AKAP19: variants seen among roughly 807,000 people sequenced by gnomAD.
AKAP19 encodes A-kinase anchoring protein 19.
the AKAP19 span, among the ~76,000 whole-genome samples, chr2:190,099,629 A>T: frequency 6.6e-6 from 1 of 152,252 alleles, no homozygotes; most frequent in African/African-American, 2.4e-5. Flanking sequence ...AATGGTGCCA[A>T]TAGACTTGTT....
At chr2:190,014,808 C>T in the AKAP19 span, among the ~76,000 whole-genome samples, 19 of 152,126 alleles carry the variant, frequency 1.2e-4, no homozygotes, top group South Asian at 8.3e-4. Flanking sequence ...ATTCCAAATG[C>T]GAGAAATTGG....
At chr2:190,161,919 G>T in the AKAP19 span, among the ~76,000 whole-genome samples, 54 of 152,212 alleles carry the variant, frequency 3.5e-4, 1 homozygote, top group Admixed American at 3.1e-3. Flanking sequence ...AAAGAACATG[G>T]CTTCAGATCA....
At chr2:190,135,067 C>T in the AKAP19 span, among the ~76,000 whole-genome samples, 1 of 152,116 alleles carries the variant, frequency 6.6e-6, no homozygotes, top group Non-Finnish European at 1.5e-5. Flanking sequence ...TAATCAAAAA[C>T]ATTTTAAACA....
the AKAP19 span, among the ~76,000 whole-genome samples, chr2:189,986,627 G>A: frequency 2.0e-5 from 3 of 152,126 alleles, no homozygotes; most frequent in Non-Finnish European, 4.4e-5. Context: ...TTTCCAGCCT[G>A]TAAGGCTCAA....
At chr2:190,200,027 C>T in the AKAP19 span, 420,201 of 1,613,724 alleles carry the variant, frequency 0.26, 58,824 homozygotes, top group East Asian at 0.49. Flanking sequence ...GGGACCAATA[C>T]TGTGATCTTG....
At chr2:189,974,754 T>C in the AKAP19 span, among the ~76,000 whole-genome samples, 1 of 152,214 alleles carries the variant, frequency 6.6e-6, no homozygotes, top group Non-Finnish European at 1.5e-5. Context: ...TTGTCTCTTT[T>C]GATCTTTGTT....
the AKAP19 span, among the ~76,000 whole-genome samples, chr2:190,133,224 C>A: frequency 2.0e-5 from 2 of 99,490 alleles, no homozygotes; most frequent in African/African-American, 4.0e-5. Context: ...GGAGACAGAG[C>A]GAGACTCTGC....
the AKAP19 span, among the ~76,000 whole-genome samples, chr2:190,001,809 G>C: frequency 2.0e-5 from 3 of 152,038 alleles, no homozygotes; most frequent in East Asian, 5.8e-4. Flanking sequence ...ACATTTTCAG[G>C]AGTGTGAATA....
the AKAP19 span, among the ~76,000 whole-genome samples, chr2:189,941,823 A>G: frequency 6.6e-6 from 1 of 152,236 alleles, no homozygotes; most frequent in African/African-American, 2.4e-5. Flanking sequence ...TATCAATAAT[A>G]GCACTGAATA....
chr2:190,043,159 G>A, the AKAP19 span, among the ~76,000 whole-genome samples: 5 of 152,090 alleles, frequency 3.3e-5, no homozygotes, highest in Non-Finnish European at 7.4e-5. Flanking sequence ...AAAATCTGAT[G>A]ATTATGTGTC....
the AKAP19 span, among the ~76,000 whole-genome samples, chr2:189,987,840 C>T: frequency 8.5e-5 from 13 of 152,266 alleles, no homozygotes; most frequent in East Asian, 3.9e-4. Flanking sequence ...TCACCTTGCC[C>T]GCTGCCTAGA....
the AKAP19 span, among the ~76,000 whole-genome samples, chr2:190,073,005 T>C: frequency 7.9e-5 from 12 of 152,036 alleles, no homozygotes; most frequent in African/African-American, 2.9e-4. Flanking sequence ...AAACCATAAA[T>C]TGAGTCAGAA....
At chr2:189,902,013 G>A in the AKAP19 span, among the ~76,000 whole-genome samples, 5 of 152,024 alleles carry the variant, frequency 3.3e-5, no homozygotes, top group African/African-American at 1.2e-4. Flanking sequence ...CTCAGTAAAT[G>A]AGAGTTATTA....
the AKAP19 span, among the ~76,000 whole-genome samples, chr2:190,060,633 G>T: frequency 5.7e-4 from 86 of 152,088 alleles, no homozygotes; most frequent in African/African-American, 2.0e-3. Context: ...GAATTTTTCA[G>T]ACGTATGTAT....
chr2:189,983,783 G>A, the AKAP19 span, among the ~76,000 whole-genome samples: 5 of 152,158 alleles, frequency 3.3e-5, no homozygotes, highest in Non-Finnish European at 5.9e-5. Flanking sequence ...TGGGGGAACT[G>A]CCCCGAAAAT....
chr2:189,916,815 A>G, the AKAP19 span, among the ~76,000 whole-genome samples: 23 of 152,174 alleles, frequency 1.5e-4, no homozygotes, highest in Non-Finnish European at 2.6e-4. Context: ...CCTGGGTAGT[A>G]TTCCTTTGTA....
the AKAP19 span, among the ~76,000 whole-genome samples, chr2:190,066,270 G>A: frequency 6.6e-6 from 1 of 151,996 alleles, no homozygotes; most frequent in Non-Finnish European, 1.5e-5. Context: ...AATACTCACT[G>A]GTTGTCTCAA....
At chr2:190,140,349 C>T in the AKAP19 span, among the ~76,000 whole-genome samples, 1 of 152,188 alleles carries the variant, frequency 6.6e-6, no homozygotes, top group Non-Finnish European at 1.5e-5. Flanking sequence ...TAGGCAGTGC[C>T]CCAGTGGGAT....
At chr2:189,983,495 G>C in the AKAP19 span, among the ~76,000 whole-genome samples, 2 of 152,208 alleles carry the variant, frequency 1.3e-5, no homozygotes, top group Non-Finnish European at 2.9e-5. Flanking sequence ...ATGCATGCTG[G>C]TCTTTAGTGA....
Sources: gnomAD v4.1 joint callset for allele counts (sites outside exome capture counted in the v4.1 genomes callset) on GRCh38, gnomAD v4.1.1 for gene constraint, MANE v1.5 for transcripts, NCBI Gene and HGNC (gene_info 2026-07-23, HGNC 2026-07-21) for gene names.